JARID2: variants seen among roughly 807,000 people sequenced by gnomAD.
JARID2 encodes protein Jumonji.
JARID2 carries 21 observed loss-of-function variants against 125.6 expected under a neutral mutation model. The ratio of observed to expected loss-of-function variants is 0.17; its 90% CI spans 0.12 to 0.24. The LOEUF (loss-of-function observed/expected upper bound fraction) is 0.24. Ranked by LOEUF, JARID2 falls within the 10% of genes least tolerant of loss-of-function variation. The probability of loss-of-function intolerance (pLI) is 1.00; values close to 1 mark genes in which losing one functional copy is unlikely to be tolerated. For synonymous variants in JARID2, 736 were observed against 661.6 expected, an observed-to-expected ratio of 1.11 and a Z score of -1.73; for missense variants, 1,303 against 1,639.6, an observed-to-expected ratio of 0.79 and a Z score of 3.55.
At chr6:15,345,344 A>T (rs180925932) in intron 1 of JARID2, among the ~76,000 whole-genome samples, 194 of 152,330 alleles carry the variant, frequency 1.3e-3, no homozygotes, top group African/African-American at 4.4e-3. Flanking sequence ...CAACTCTGAT[A>T]TGGAAACCTG....
intron 4 of JARID2, among the ~76,000 whole-genome samples, chr6:15,458,336 C>G (rs907224451): frequency 6.6e-6 from 1 of 152,200 alleles, no homozygotes; most frequent in South Asian, 2.1e-4. Flanking sequence ...AGCATGCAAA[C>G]CTACATACAC....
intron 2 of JARID2, among the ~76,000 whole-genome samples, chr6:15,403,587 A>G (rs1765526305): frequency 6.6e-6 from 1 of 152,196 alleles, no homozygotes; most frequent in African/African-American, 2.4e-5. Context: ...GAAATAGGAA[A>G]AAAAGGATAG....
chr6:15,383,936 A>G (rs1259787552), intron 2 of JARID2, among the ~76,000 whole-genome samples: 2 of 152,184 alleles, frequency 1.3e-5, no homozygotes, highest in African/African-American at 2.4e-5. Context: ...CTGGGATTAC[A>G]GGCATGCGCC....
chr6:15,480,138 T>TAACAC (rs745860569), intron 5 of JARID2, among the ~76,000 whole-genome samples: 15 of 152,202 alleles, frequency 9.9e-5, no homozygotes, highest in Non-Finnish European at 1.8e-4. Flanking sequence ...CTTAACACAT[T>TAACAC]TCTTCTTTAT....
Position 15,512,118 on chromosome 6 carries a change from A to G in JARID2, c.2953-90A>G, listed in dbSNP as rs1771308569. The G allele has an allele frequency of 9.7e-6, 10 of 1,030,896 alleles. No individual in the cohort carries two copies. The South Asian group carries it at 1.3e-4, about 13-fold the overall frequency. The allele number at this position is 1,030,896 out of a possible 1,614,324, so 63.9% of individuals were successfully genotyped here. ...AAAACAATCTTATCTCCTTGAGAGC[A>G]GGCCTCTTAGGGTGCGCATACGTCA... On this transcript the variant is annotated intron_variant, in intron 13 of 17. Coordinates refer to ENST00000341776, the MANE Select transcript of JARID2 (RefSeq NM_004973.4).
chr6:15,360,869 G>A (rs930625407), intron 1 of JARID2, among the ~76,000 whole-genome samples: 6 of 152,136 alleles, frequency 3.9e-5, no homozygotes, highest in Non-Finnish European at 5.9e-5. Flanking sequence ...CCAAAAAAAG[G>A]CACAGCAAGG....
At chr6:15,320,852 C>CTCTGTG (rs541608020) in intron 1 of JARID2, among the ~76,000 whole-genome samples, 7 of 145,410 alleles carry the variant, frequency 4.8e-5, no homozygotes, top group African/African-American at 7.6e-5. Context: ...CTCTCTCTCT[C>CTCTGTG]TGTGTGTGTG....
chr6:15,420,502 A>T (rs1002349438), intron 3 of JARID2, among the ~76,000 whole-genome samples: 1 of 152,162 alleles, frequency 6.6e-6, no homozygotes, highest in Non-Finnish European at 1.5e-5. Flanking sequence ...GAGTACAGTT[A>T]CAAGAGATAT....
At position 15,349,902 on chromosome 6, in the gene JARID2, A is replaced by T. The variant is rs567024851; in HGVS notation, c.46-24215A>T. 3.3e-5 allele frequency among the ~76,000 whole-genome samples: 5 copies of T among 152,226 alleles called. No homozygotes were observed. The South Asian group carries it at 1.0e-3, about 32-fold the overall frequency. On this transcript the variant is annotated intron_variant, in intron 1 of 17. Transcript: ENST00000341776. ...ACCGTTGAAATGTATATACAATGAC[A>T]GAGTTTATTCTCAGGCTATGATTCT... is the stretch of plus-strand genomic sequence containing the variant.
intron 3 of JARID2, among the ~76,000 whole-genome samples, chr6:15,448,563 A>T (rs1767777800): frequency 6.6e-6 from 1 of 152,338 alleles, no homozygotes; most frequent in South Asian, 2.1e-4. Context: ...TCAAATGAAG[A>T]TGTATATATT....
At position 15,365,330 on chromosome 6, in the gene JARID2, G is replaced by T. The variant is rs115087276; in HGVS notation, c.46-8787G>T. Among the ~76,000 whole-genome samples the T allele has an allele frequency of 5.1e-3, 779 of 152,224 alleles. 6 individuals carry two copies. The highest frequency in any genetic ancestry group is 0.018 in the African/African-American group (746 of 41,522). On this transcript the variant is annotated intron_variant, in intron 1 of 17. Transcript: ENST00000341776. ...TCTTTTTTGATTACATTGAAAAAGC[G>T]AACCGTCAGATCCAGCACTGCAGGA... is the stretch of plus-strand genomic sequence containing the variant.
chr6:15,487,333 C>T lies in JARID2; in HGVS notation c.697C>T (p.Arg233Trp), dbSNP rs747681691. Reference sequence around the variant, plus strand: ...TTTCAATGGTTCCAGCAGGTCAACACGGGAGAAGGAACCTGTTCAAAAACA... The same window carrying T: ...TTTCAATGGTTCCAGCAGGTCAACATGGGAGAAGGAACCTGTTCAAAAACA... ...HVFNGSSRST[R>W]EKEPVQKHKS... is the part of the protein sequence containing the mutation. Residue 233 changes from arginine (R) to tryptophan (W), a missense_variant, in exon 6 of 18, where the codon CGG becomes TGG. Transcript: ENST00000341776. 4.3e-6 allele frequency: 7 copies of T among 1,613,974 alleles called. No individual in the cohort carries two copies. The highest frequency in any genetic ancestry group is 1.7e-5 in the Admixed American group (1 of 60,002).
chr6:15,350,485 T>C (rs995060093), intron 1 of JARID2, among the ~76,000 whole-genome samples: 25 of 152,188 alleles, frequency 1.6e-4, no homozygotes, highest in African/African-American at 5.3e-4. Context: ...AGAACTTTGG[T>C]GTTACTGACT....
chr6:15,361,816 G>A (rs966554650), intron 1 of JARID2, among the ~76,000 whole-genome samples: 4 of 151,974 alleles, frequency 2.6e-5, no homozygotes, highest in African/African-American at 9.7e-5. Flanking sequence ...TTTTGTTTAG[G>A]TAGCTGAAAC....
chr6:15,479,754 G>A lies in JARID2; in HGVS notation c.671-7553G>A, dbSNP rs548069681. Among the ~76,000 whole-genome samples the A allele has an allele frequency of 2.5e-4, 38 of 152,300 alleles. No individual in the cohort carries two copies. The South Asian group carries it at 5.0e-3, about 20-fold the overall frequency. ...CCCTGTGCGAGTGAGCTGCTGGCTG[G>A]ATGCAAGGTGATAATGGGGGTTTTG... is the stretch of plus-strand genomic sequence containing the variant. On this transcript the variant is annotated intron_variant, in intron 5 of 17. Coordinates refer to ENST00000341776, the MANE Select transcript of JARID2 (RefSeq NM_004973.4).
chr6:15,453,237 G>T (rs1768002123), intron 4 of JARID2, among the ~76,000 whole-genome samples: 1 of 152,230 alleles, frequency 6.6e-6, no homozygotes, highest in African/African-American at 2.4e-5. Flanking sequence ...AAAGGACCCA[G>T]TTCAGAATTA....
chr6:15,292,477 G>A (rs927260030), intron 1 of JARID2, among the ~76,000 whole-genome samples: 1 of 152,122 alleles, frequency 6.6e-6, no homozygotes, highest in Non-Finnish European at 1.5e-5. Context: ...ATCAAATATG[G>A]AATCTCTGGG....
At chr6:15,393,478 C>T (rs1313276694) in intron 2 of JARID2, among the ~76,000 whole-genome samples, 1 of 152,176 alleles carries the variant, frequency 6.6e-6, no homozygotes, top group African/African-American at 2.4e-5. Flanking sequence ...TTGACACAGC[C>T]AGTTTCCCTG....
At chr6:15,460,214 A>G (rs1336826047) in intron 4 of JARID2, among the ~76,000 whole-genome samples, 2 of 152,192 alleles carry the variant, frequency 1.3e-5, no homozygotes, top group East Asian at 3.9e-4. Flanking sequence ...GAGGAGGGGA[A>G]GGATGGATCA....
Sources: allele counts gnomAD v4.1 joint callset (sites outside exome capture counted in the v4.1 genomes callset), GRCh38; gene constraint gnomAD v4.1.1; transcripts MANE v1.5; gene names NCBI Gene and HGNC (gene_info 2026-07-23, HGNC 2026-07-21).